PCDHGA6: variants seen among roughly 807,000 people sequenced by gnomAD.
PCDHGA6 encodes the protein protocadherin gamma subfamily A, 6, also known as protocadherin gamma-A6.
PCDHGA6 carries 41 observed loss-of-function variants against 60.6 expected under a neutral mutation model. That is an observed-to-expected ratio of 0.68 (90% CI 0.53 to 0.88). The LOEUF is 0.88. Among genes scored for constraint, PCDHGA6 ranks in the 40% least tolerant of loss-of-function variants. The probability of loss-of-function intolerance (pLI) is 0.00; values close to 1 mark genes in which losing one functional copy is unlikely to be tolerated. For synonymous variants in PCDHGA6, 594 were observed against 524.4 expected, an observed-to-expected ratio of 1.13 and a Z score of -1.81; for missense variants, 1,312 against 1,203.0, an observed-to-expected ratio of 1.09 and a Z score of -1.34.
At chr5:141,441,775 A>G (rs1005757857) in intron 1 of PCDHGA6, 27 of 388,638 alleles carry the variant, frequency 6.9e-5, no homozygotes, top group Admixed American at 5.4e-4. Context: ...GTGTTGGTGG[A>G]CGACCTGAAT....
At position 141,477,961 on chromosome 5, in the gene PCDHGA6, C is replaced by G. The variant is rs199947431; in HGVS notation, c.2425-16846C>G. On this transcript the variant is annotated intron_variant, in intron 1 of 3. Transcript: ENST00000517434. The surrounding 1 kb of genome is among the most constrained non-coding windows in gnomAD (Gnocchi z 4.9). ...CCTACAGTCTCTTGGGATCCCCTAA[C>G]CAGAGCCTTTTTGCCATAGGGCTGC... 10 of 1,614,166 alleles carry G rather than the reference C, an allele frequency of 6.2e-6. No individual in the cohort carries two copies. Among genetic ancestry groups the G allele is most frequent in the Middle Eastern group, 3.3e-4 (2 of 6,062 alleles).
chr5:141,434,566 G>A (rs1280487112), intron 1 of PCDHGA6, among the ~76,000 whole-genome samples: 1 of 152,196 alleles, frequency 6.6e-6, no homozygotes, highest in African/African-American at 2.4e-5. Flanking sequence ...TTAAGGACAT[G>A]CCCCTGCTGC....
chr5:141,408,699 CAATT>C (rs778787749), intron 1 of PCDHGA6: 9 of 1,613,534 alleles, frequency 5.6e-6, no homozygotes, highest in Non-Finnish European at 6.8e-6. Flanking sequence ...AACATAAACT[CAATT>C]AAAGATTATA....
At chr5:141,470,227 C>A (rs1387947362) in intron 1 of PCDHGA6, among the ~76,000 whole-genome samples, 1 of 152,160 alleles carries the variant, frequency 6.6e-6, no homozygotes, top group Non-Finnish European at 1.5e-5. Flanking sequence ...AGCTTCTTCA[C>A]CAAACCCTTG....
At position 141,485,379 on chromosome 5, in the gene PCDHGA6, A is replaced by G. The variant is rs749607481; in HGVS notation, c.2425-9428A>G. 12 of 1,613,934 alleles carry G rather than the reference A, an allele frequency of 7.4e-6. No homozygotes were observed. In the Admixed American group the frequency reaches 1.8e-4, roughly 25 times the overall value. The stretch of plus-strand genomic sequence containing the variant: ...GCTCGCAGGCTGCAGGTCGCTGGAG[A>G]GGTGAACCAAAGACACTTCCGTGTG... On this transcript the variant is annotated intron_variant, in intron 1 of 3. Coordinates refer to ENST00000517434, the MANE Select transcript of PCDHGA6 (RefSeq NM_018919.3). This position sits in a 1 kb window ranked among gnomAD's most constrained non-coding sequence, Gnocchi z 5.7.
intron 1 of PCDHGA6, chr5:141,414,787 G>T (rs372484037): frequency 6.2e-7 from 1 of 1,614,230 alleles, no homozygotes; most frequent in Admixed American, 1.7e-5. Context: ...GCAGGTGACA[G>T]CCAGCGACAG....
Position 141,486,282 on chromosome 5 carries a change from C to G in PCDHGA6, c.2425-8525C>G. On this transcript the variant is annotated intron_variant, in intron 1 of 3. Transcript: ENST00000517434. This position sits in a 1 kb window ranked among gnomAD's most constrained non-coding sequence, Gnocchi z 5.0. ...AGTGCAGAACCTGGCACTGTGGTGG[C>G]ACTTATCAGTGTGCAGGATCCAGAC... The G allele has an allele frequency of 1.2e-6, 2 of 1,614,052 alleles. No homozygotes were observed. The highest frequency in any genetic ancestry group is 1.7e-6 in the Non-Finnish European group (2 of 1,179,992).
chr5:141,499,551 A>T (rs1178321389), intron 2 of PCDHGA6, among the ~76,000 whole-genome samples: 1 of 152,200 alleles, frequency 6.6e-6, no homozygotes, highest in Non-Finnish European at 1.5e-5. Flanking sequence ...AACCTGTATG[A>T]TACCACTATC....
chr5:141,384,852 G>A, intron 1 of PCDHGA6: 1 of 1,613,646 alleles, frequency 6.2e-7, no homozygotes, highest in Non-Finnish European at 8.5e-7. Context: ...ACCACGGTCA[G>A]CCTCCTCTGT....
intron 1 of PCDHGA6, chr5:141,389,172 C>T: frequency 3.1e-6 from 5 of 1,614,036 alleles, no homozygotes; most frequent in Non-Finnish European, 4.2e-6. Context: ...CAAGCCTCCC[C>T]TCTCCTCCAG....
Position 141,489,900 on chromosome 5 carries a change from A to T in PCDHGA6, c.2425-4907A>T. ...TTACTGCTGTGGATGGGGGGACCCC[A>T]GCCCGCTCAGGGACCACCCTTATCT... On this transcript the variant is annotated intron_variant, in intron 1 of 3. Coordinates refer to ENST00000517434, the MANE Select transcript of PCDHGA6 (RefSeq NM_018919.3). This position sits in a 1 kb window ranked among gnomAD's most constrained non-coding sequence, Gnocchi z 4.5. The T allele has an allele frequency of 6.2e-7, 1 of 1,614,254 alleles. No homozygotes were observed. The highest frequency in any genetic ancestry group is 8.5e-7 in the Non-Finnish European group (1 of 1,180,044).
intron 1 of PCDHGA6, among the ~76,000 whole-genome samples, chr5:141,443,560 G>A (rs2098394386): frequency 6.6e-6 from 1 of 152,162 alleles, no homozygotes; most frequent in Non-Finnish European, 1.5e-5. Context: ...CAATTCAAAT[G>A]CTTTAAATGG....
At chr5:141,495,400 C>T (rs554849650) in intron 2 of PCDHGA6, among the ~76,000 whole-genome samples, 4 of 152,278 alleles carry the variant, frequency 2.6e-5, no homozygotes, top group Non-Finnish European at 1.5e-5. Flanking sequence ...ATGGAGCAGG[C>T]CCCCTTCTCC....
chr5:141,376,159 C>A lies in PCDHGA6; in HGVS notation c.2076C>A (p.Tyr692Ter). The A allele has an allele frequency of 1.9e-6, 3 of 1,614,084 alleles. No homozygotes were observed. The highest frequency in any genetic ancestry group is 2.5e-6 in the Non-Finnish European group (3 of 1,179,998). The change falls in exon 1 of 4, where the codon TAC (tyrosine) becomes TAA (stop). Residue 692 changes from tyrosine to a stop codon, truncating the protein, a stop_gained. Transcript: ENST00000517434. LOFTEE classifies it high-confidence loss of function. The stretch of plus-strand genomic sequence containing the variant: ...CCAACGATTCGGACCTCACTCTGTA[C>A]CTGGTGGTGGCGGTGGCCGCGGTCT... The part of the protein sequence containing the change: ...AKPNDSDLTL[Y>*]LVVAVAAVSC...
chr5:141,481,207 C>T (rs1287298617), intron 1 of PCDHGA6, among the ~76,000 whole-genome samples: 3 of 152,154 alleles, frequency 2.0e-5, no homozygotes, highest in Non-Finnish European at 1.5e-5. Flanking sequence ...TTTTAAAAAA[C>T]ATGGTAAGGT....
chr5:141,497,804 T>G (rs1196976996), intron 2 of PCDHGA6, among the ~76,000 whole-genome samples: 1 of 152,186 alleles, frequency 6.6e-6, no homozygotes, highest in Non-Finnish European at 1.5e-5. Context: ...CTTCCCAAAG[T>G]GCTAGAATTA....
Position 141,374,094 on chromosome 5 carries a change from C to A in PCDHGA6, c.11C>A (p.Pro4Gln). 1 of 1,555,744 alleles carries A rather than the reference C, an allele frequency of 6.4e-7. No homozygotes were observed. The highest frequency in any genetic ancestry group is 1.2e-5 in the South Asian group (1 of 82,772). Residue 4 changes from proline to glutamine, a missense_variant, in exon 1 of 4, where the codon CCG becomes CAG. Physicochemically the swap from Pro to Gln is moderately conservative, Grantham distance 76. Coordinates refer to ENST00000517434, the MANE Select transcript of PCDHGA6 (RefSeq NM_018919.3). Reference protein sequence around the residue: MAPPQRHPQRSEQV... With the variant: MAPQQRHPQRSEQV... ...CCTAATAAGCCAGTAATGGCGCCTC[C>A]GCAGAGGCATCCGCAGCGCAGCGAG...
Position 141,490,820 on chromosome 5 carries a change from T to G in PCDHGA6, c.2425-3987T>G. On this transcript the variant is annotated intron_variant, in intron 1 of 3. Transcript: ENST00000517434. The surrounding 1 kb of genome is among the most constrained non-coding windows in gnomAD (Gnocchi z 5.4). ...CAGCGTACCTTTGACTATGAATTGC[T>G]GCAGATGCTGCAGATTGTGGTGGGG... 6.2e-7 allele frequency: 1 copy of G among 1,613,820 alleles called. No homozygotes were observed. Among genetic ancestry groups the G allele is most frequent in the Non-Finnish European group, 8.5e-7 (1 of 1,179,768 alleles).
Position 141,392,773 on chromosome 5 carries a change from G to A in PCDHGA6, c.2424+16266G>A, listed in dbSNP as rs767754110. Reference sequence around the variant, plus strand: ...AAGAAACTAAATAAGACCCATTTATGCACAGTGAAGATTCTGAGAGGATTC... The same window carrying A: ...AAGAAACTAAATAAGACCCATTTATACACAGTGAAGATTCTGAGAGGATTC... On this transcript the variant is annotated intron_variant, in intron 1 of 3. Transcript: ENST00000517434. 4 of 1,518,312 alleles carry A rather than the reference G, an allele frequency of 2.6e-6. No homozygotes were observed. In the African/African-American group the frequency reaches 5.6e-5, roughly 21 times the overall value. The allele number at this position is 1,518,312 out of a possible 1,614,324, so 94.1% of individuals were successfully genotyped here.
Sources: gnomAD v4.1 joint callset for allele counts (sites outside exome capture counted in the v4.1 genomes callset) on GRCh38, gnomAD v4.1.1 for gene constraint, Gnocchi (gnomAD v3.1) non-coding constraint, MANE v1.5 for transcripts, NCBI Gene and HGNC (gene_info 2026-07-23, HGNC 2026-07-21) for gene names.